The following RTTN variants were observed in gnomAD, a reference collection of about 807,000 sequenced individuals.
RTTN encodes rotatin.
A neutral mutation model predicts 269.2 loss-of-function variants in RTTN; 182 were observed. The observed-to-expected ratio is 0.68, with a 90% CI of 0.60 to 0.76. The LOEUF (loss-of-function observed/expected upper bound fraction) is 0.76, where lower values mean the gene tolerates loss of function less well. RTTN is among the 30% of genes least tolerant of loss of function. The pLI, the probability that RTTN is intolerant of heterozygous loss-of-function variation, is 0.00. For missense variants in RTTN, 2,545 were observed against 2,608.6 expected, an observed-to-expected ratio of 0.98 and a Z score of 0.53; for synonymous variants, 1,006 against 963.5, an observed-to-expected ratio of 1.04 and a Z score of -0.82.
intron 21 of RTTN, chr18:70,138,803 A>G (rs1313888170): frequency 6.6e-6 from 1 of 152,204 alleles, no homozygotes; most frequent in African/African-American, 2.4e-5. Flanking sequence ...CTACATTATA[A>G]TAACATATTT....
chr18:70,048,255 G>C, intron 39 of RTTN, 67 bp from the exon 40 acceptor site: 2 of 1,422,376 alleles, frequency 1.4e-6, no homozygotes, highest in African/African-American at 1.4e-5. Context: ...AGGAAATCAA[G>C]TTGATTTTAA....
intron 40 of RTTN, among the ~76,000 whole-genome samples, chr18:70,042,149 A>C (rs1409361209): frequency 6.6e-6 from 1 of 152,082 alleles, no homozygotes; most frequent in East Asian, 1.9e-4. Flanking sequence ...GGAGTTCCAA[A>C]TGTACAGAGC....
At chr18:70,100,182 T>G (rs1344574454) in intron 28 of RTTN, among the ~76,000 whole-genome samples, 1 of 152,268 alleles carries the variant, frequency 6.6e-6, no homozygotes, top group African/African-American at 2.4e-5. Flanking sequence ...GTATGGCCAT[T>G]TTCATGATAT....
rs146957583 is a variant in RTTN at position 70,023,057 on chromosome 18, CT to C, written c.5950+1664del. 4.5e-3 allele frequency among the ~76,000 whole-genome samples: 686 copies of C among 152,266 alleles called. 6 individuals carry two copies. Among genetic ancestry groups the C allele is most frequent in the African/African-American group, 0.016 (648 of 41,546 alleles). ...GTGTGACCCACAAGAGCTAGGAGTG[CT>C]GTTCAGTTACTTCTGAGACTGGATT... On this transcript the variant is annotated intron_variant, in intron 44 of 48. Transcript: ENST00000640769.
rs1274845296 is a variant in RTTN, at chr18:70,201,972, T to G, written c.409A>C (p.Asn137His). The G allele has an allele frequency of 6.3e-7, 1 of 1,597,252 alleles. No individual in the cohort carries two copies. Among genetic ancestry groups the G allele is most frequent in the South Asian group, 1.1e-5 (1 of 90,186 alleles). ...YQTNQTELSK[N>H]PEILTGYFPQ... is the part of the protein sequence containing the mutation. Reference sequence around the variant, plus strand: ...AAATATCCTGTTAAGATTTCAGGGTTTTTTGACAATTCTGAAAAGGAAATA... The same window carrying G: ...AAATATCCTGTTAAGATTTCAGGGTGTTTTGACAATTCTGAAAAGGAAATA... The change falls in exon 4 of 49, where the codon AAC (asparagine) becomes CAC (histidine). Residue 137 changes from asparagine (N) to histidine (H), a missense_variant. Asn to His is a moderately conservative substitution (Grantham distance 68, BLOSUM62 1). Transcript: ENST00000640769.
chr18:70,161,176 A>C (rs774771825), intron 14 of RTTN, among the ~76,000 whole-genome samples: 3 of 152,112 alleles, frequency 2.0e-5, no homozygotes, highest in Non-Finnish European at 4.4e-5. Context: ...CAGGTTAGAG[A>C]ACACAAAAAT....
chr18:70,196,405 G>T, intron 7 of RTTN, 96 bp downstream of exon 7: 1 of 1,041,500 alleles, frequency 9.6e-7, no homozygotes, highest in Non-Finnish European at 1.4e-6. Context: ...TTGTGAAAAT[G>T]CGTACACAAT....
At position 70,017,478 on chromosome 18, in the gene RTTN, G is replaced by A; in HGVS notation, c.6350C>T (p.Pro2117Leu). ...ATGAAAGATAAGAAGAGGCAATAAA[G>A]GGCTGCTCTTGTGCTTGTATTTGCT... is the stretch of plus-strand genomic sequence containing the variant. ...EMSKYKHKSS[P>L]LLPLLIFHNV... is the part of the protein sequence containing the mutation. The change falls in exon 46 of 49, where the codon CCT (proline) becomes CTT (leucine). Residue 2117 changes from proline (P) to leucine (L), a missense_variant. Pro to Leu is a moderately conservative substitution (Grantham distance 98, BLOSUM62 -3). Coordinates refer to ENST00000640769, the MANE Select transcript of RTTN (RefSeq NM_173630.4). 6.2e-7 allele frequency: 1 copy of A among 1,613,976 alleles called. No individual in the cohort carries two copies. The highest frequency in any genetic ancestry group is 8.5e-7 in the Non-Finnish European group (1 of 1,179,910).
At position 70,039,088 on chromosome 18, in the gene RTTN, C is replaced by T. The variant is rs188666701; in HGVS notation, c.5542-8107G>A. Among the ~76,000 whole-genome samples, 1,068 of 151,906 alleles carry T rather than the reference C, an allele frequency of 7.0e-3. 9 individuals are homozygous for T. The highest frequency in any genetic ancestry group is 0.024 in the African/African-American group (1,002 of 41,462). ...AGAAGAATGAAGCATGCCTATAAAA[C>T]CTAAAAAATAGCCTCGAAAGGGCAA... On this transcript the variant is annotated intron_variant, in intron 40 of 48. Transcript: ENST00000640769.
rs567146300 is a variant in RTTN at position 70,149,607 on chromosome 18, G to C, written c.2172+364C>G. On this transcript the variant is annotated intron_variant, in intron 16 of 48. Transcript: ENST00000640769. ...ACGGTATCACTCTAATCATACATAT[G>C]CATGGATAGAACTCATGAGGCAAGT... Among the ~76,000 whole-genome samples, 13 of 150,492 alleles carry C rather than the reference G, an allele frequency of 8.6e-5. No individual in the cohort carries two copies. The South Asian group carries it at 2.5e-3, about 29-fold the overall frequency.
chr18:70,062,485 T>C (rs1159144956), intron 35 of RTTN, among the ~76,000 whole-genome samples: 2 of 152,230 alleles, frequency 1.3e-5, no homozygotes, highest in East Asian at 3.8e-4. Context: ...CCTTCTTTCA[T>C]ATGCAAAAGT....
rs1004202772 is a variant in RTTN at position 70,150,808 on chromosome 18, T to C, written c.1930-75A>G. ...CCAAAAGATCCATCTTTCTTCTGTT[T>C]ACAATCCCATTTCTATTTTAGTTTT... On this transcript the variant is annotated intron_variant, in intron 14 of 48. Transcript: ENST00000640769. 1.8e-4 allele frequency: 219 copies of C among 1,229,192 alleles called. 1 individual carries two copies. The highest frequency in any genetic ancestry group is 7.0e-5 in the Admixed American group (3 of 42,554). 76.1% of individuals were successfully genotyped at this position (1,229,192 alleles called of 1,614,324 possible). A position where few individuals can be genotyped will look rare whatever the true frequency, so the allele number is the denominator to read the frequency against.
At chr18:70,012,830 A>G (rs182181846) in intron 46 of RTTN, among the ~76,000 whole-genome samples, 2 of 152,228 alleles carry the variant, frequency 1.3e-5, no homozygotes, top group African/African-American at 2.4e-5. Flanking sequence ...GACCAACCAC[A>G]ATGCTAGTGT....
At chr18:70,032,944 G>A (rs1583438) in intron 40 of RTTN, among the ~76,000 whole-genome samples, 115,663 of 152,176 alleles carry the variant, frequency 0.76, 51,376 homozygotes, top group East Asian at 1. Context: ...ACAAATTTCC[G>A]CAAATTCAAA....
At chr18:70,080,791 C>T (rs1022810464) in intron 32 of RTTN, among the ~76,000 whole-genome samples, 1 of 151,910 alleles carries the variant, frequency 6.6e-6, no homozygotes, top group Admixed American at 6.6e-5. Flanking sequence ...GGGTATCTAC[C>T]CAGAGGAAAA....
At chr18:70,070,120 G>A (rs1352988119) in intron 34 of RTTN, among the ~76,000 whole-genome samples, 4 of 152,216 alleles carry the variant, frequency 2.6e-5, no homozygotes, top group Admixed American at 2.0e-4. Context: ...ATGAGCAGAA[G>A]ATGATAGACG....
chr18:70,060,020 T>C lies in RTTN; in HGVS notation c.4770A>G (p.Pro1590=), dbSNP rs1357377589. The C allele has an allele frequency of 7.4e-6, 12 of 1,612,366 alleles. No homozygotes were observed. In the African/African-American group the frequency reaches 1.2e-4, roughly 16 times the overall value. ...VAQGHQESTS[P]RPPHDSSLSA... ...AAAGAGATGAATCATGAGGTGGCCG[T>C]GGTGATGTACTTTCCTGGTGACCTA... Residue 1590 remains proline, a synonymous_variant, in exon 36 of 49, where the codon CCA becomes CCG. Transcript: ENST00000640769.
At position 70,005,248 on chromosome 18, in the gene RTTN, C is replaced by G; in HGVS notation, c.6545G>C (p.Ser2182Thr). 2 of 1,612,536 alleles carry G rather than the reference C, an allele frequency of 1.2e-6. No individual in the cohort carries two copies. Among genetic ancestry groups the G allele is most frequent in the Non-Finnish European group, 1.7e-6 (2 of 1,179,166 alleles). Residue 2182 changes from serine (S) to threonine (T), a missense_variant, in exon 48 of 49, where the codon AGC becomes ACC. Coordinates refer to ENST00000640769, the MANE Select transcript of RTTN (RefSeq NM_173630.4). ...NYQKAKTALK[S>T]PSVKRRVDEA... ...ATCCACTCTTCTTTTTACTGATGGG[C>G]TTTTCAAAGCTGTTTTTGCCTAGAA...
At chr18:70,015,183 A>G (rs542377262) in intron 46 of RTTN, among the ~76,000 whole-genome samples, 1 of 151,928 alleles carries the variant, frequency 6.6e-6, no homozygotes, top group South Asian at 2.1e-4. Context: ...AGTTCAAGCA[A>G]TTCTACTACT....
Sources: allele counts gnomAD v4.1 joint callset (sites outside exome capture counted in the v4.1 genomes callset), GRCh38; gene constraint gnomAD v4.1.1; transcripts MANE v1.5; gene names NCBI Gene and HGNC (gene_info 2026-07-23, HGNC 2026-07-21).